Variants in IQCM observed in about 807,000 individuals in gnomAD.
The protein encoded by IQCM is IQ motif containing M.
A neutral mutation model predicts 57.6 loss-of-function variants in IQCM; 45 were observed. That is an observed-to-expected ratio of 0.78 (90% CI 0.62 to 1.00). IQCM has a LOEUF of 1.00. IQCM is among the 50% of genes least tolerant of loss of function. IQCM has a pLI of 0.00. For missense variants in IQCM, 468 were observed against 511.6 expected, an observed-to-expected ratio of 0.91 and a Z score of 0.82; for synonymous variants, 148 against 158.9, an observed-to-expected ratio of 0.93 and a Z score of 0.51.
At chr4:149,423,909 G>T (rs1025483041) in intron 13 of IQCM, among the ~76,000 whole-genome samples, 1 of 151,748 alleles carries the variant, frequency 6.6e-6, no homozygotes, top group African/African-American at 2.4e-5. Context: ...TTAAAGAACT[G>T]CCATACTACA....
At position 149,551,917 on chromosome 4, in the gene IQCM, C is replaced by A. The variant is rs530431545; in HGVS notation, c.1093+1226G>T. ...TCTTCTCGTTTTCTCATTCTTTCTTCTTCCTGTCTTCCCATCTCTCCAACA... is the reference window on the plus strand; with the variant it reads ...TCTTCTCGTTTTCTCATTCTTTCTTATTCCTGTCTTCCCATCTCTCCAACA... On this transcript the variant is annotated intron_variant, in intron 11 of 13. Transcript: ENST00000636793. Among the ~76,000 whole-genome samples, 35 of 152,188 alleles carry A rather than the reference C, an allele frequency of 2.3e-4. No individual in the cohort carries two copies. The South Asian group carries it at 6.9e-3, about 30-fold the overall frequency.
At chr4:149,445,050 A>T (rs958683041) in intron 12 of IQCM, among the ~76,000 whole-genome samples, 2 of 151,948 alleles carry the variant, frequency 1.3e-5, no homozygotes, top group Non-Finnish European at 2.9e-5. Context: ...TGACTGGATC[A>T]TAGTTACAAT....
At chr4:149,434,491 C>G (rs1263150655) in intron 12 of IQCM, among the ~76,000 whole-genome samples, 1 of 152,090 alleles carries the variant, frequency 6.6e-6, no homozygotes, top group Non-Finnish European at 1.5e-5. Context: ...AAGAGAGACA[C>G]TAATGTAAAT....
chr4:149,564,149 T>C (rs948922338), intron 9 of IQCM, among the ~76,000 whole-genome samples: 4 of 152,196 alleles, frequency 2.6e-5, no homozygotes, highest in Non-Finnish European at 4.4e-5. Flanking sequence ...TGTCAGTCTA[T>C]CTACAACTAC....
chr4:149,792,722 T>C lies in IQCM; in HGVS notation c.-49+22589A>G, dbSNP rs117098169. ...ATAAACAGAAGCCATAATTAACTCC[T>C]ATGCTTACTGTTTTCATTGTACTAT... On this transcript the variant is annotated intron_variant, in intron 2 of 13. Transcript: ENST00000636793. 2.4e-4 allele frequency among the ~76,000 whole-genome samples: 36 copies of C among 152,308 alleles called. No homozygotes were observed. In the East Asian group the frequency reaches 5.4e-3, roughly 23 times the overall value.
intron 12 of IQCM, among the ~76,000 whole-genome samples, chr4:149,516,071 A>C (rs1264676402): frequency 3.9e-5 from 6 of 152,210 alleles, no homozygotes. Context: ...TGGGCTCAGC[A>C]ACACAGACTT....
chr4:149,567,612 G>T (rs1750756207), intron 9 of IQCM, among the ~76,000 whole-genome samples: 1 of 152,016 alleles, frequency 6.6e-6, no homozygotes. Flanking sequence ...CTCTCAAAGT[G>T]CTGGGATTAT....
chr4:149,554,868 T>G (rs1171323836), intron 10 of IQCM, among the ~76,000 whole-genome samples: 2 of 149,190 alleles, frequency 1.3e-5, no homozygotes, highest in African/African-American at 4.9e-5. Context: ...CCCGGCTAAT[T>G]TTTTGTGTTT....
At chr4:149,603,101 T>G (rs1754465194) in intron 8 of IQCM, among the ~76,000 whole-genome samples, 1 of 152,154 alleles carries the variant, frequency 6.6e-6, no homozygotes. Context: ...AGGATATTGC[T>G]GTCATTTATT....
At chr4:149,544,353 C>G (rs1748167435) in intron 12 of IQCM, among the ~76,000 whole-genome samples, 1 of 152,048 alleles carries the variant, frequency 6.6e-6, no homozygotes, top group African/African-American at 2.4e-5. Context: ...ATAAATTTAA[C>G]CCAAGAGGTT....
chr4:149,649,634 C>G (rs1243453757), intron 7 of IQCM, among the ~76,000 whole-genome samples: 1 of 152,150 alleles, frequency 6.6e-6, no homozygotes, highest in African/African-American at 2.4e-5. Flanking sequence ...TTCAAATTGT[C>G]AAATTACAAA....
At chr4:149,581,939 G>A (rs76352727) in intron 9 of IQCM, among the ~76,000 whole-genome samples, 2,593 of 151,506 alleles carry the variant, frequency 0.017, 76 homozygotes, top group African/African-American at 0.06. Flanking sequence ...AGAAGGGGAG[G>A]GGCAAGGTGC....
intron 8 of IQCM, among the ~76,000 whole-genome samples, chr4:149,609,321 G>T (rs1445310061): frequency 3.3e-5 from 5 of 151,690 alleles, no homozygotes; most frequent in Non-Finnish European, 5.9e-5. Context: ...TTAAAGAACA[G>T]CTAATACTAA....
At chr4:149,371,806 G>A (rs967302866) in intron 13 of IQCM, among the ~76,000 whole-genome samples, 6 of 151,990 alleles carry the variant, frequency 3.9e-5, no homozygotes, top group African/African-American at 1.2e-4. Context: ...ATAAAACATT[G>A]CTTAATTCAT....
intron 13 of IQCM, among the ~76,000 whole-genome samples, chr4:149,418,241 A>G (rs1733888544): frequency 6.6e-6 from 1 of 152,028 alleles, no homozygotes; most frequent in African/African-American, 2.4e-5. Context: ...AATAGACACA[A>G]TAAAAAAAGA....
chr4:149,605,801 CTGAGTCACTG>C (rs147611676), intron 8 of IQCM, among the ~76,000 whole-genome samples: 32,077 of 151,894 alleles, frequency 0.21, 4,204 homozygotes, highest in Non-Finnish European at 0.28. Flanking sequence ...CCCCCAACTC[CTGAGTCACTG>C]AGTCAGTGAA....
At chr4:149,730,746 G>A (rs2149881664) in intron 5 of IQCM, among the ~76,000 whole-genome samples, 1 of 152,230 alleles carries the variant, frequency 6.6e-6, no homozygotes, top group South Asian at 2.1e-4. Flanking sequence ...CTTTAAAGCA[G>A]TAGAGTTACT....
intron 13 of IQCM, among the ~76,000 whole-genome samples, chr4:149,405,958 C>T (rs1490861536): frequency 6.7e-6 from 1 of 149,396 alleles, no homozygotes; most frequent in African/African-American, 2.4e-5. Context: ...CCTTAAACCC[C>T]TTCCTTCCTC....
At chr4:149,471,568 A>C (rs1037106999) in intron 12 of IQCM, among the ~76,000 whole-genome samples, 3 of 152,208 alleles carry the variant, frequency 2.0e-5, no homozygotes, top group Non-Finnish European at 2.9e-5. Context: ...ATTCCTTCTG[A>C]AAGTATTCCA....
Sources: allele counts gnomAD v4.1 joint callset (sites outside exome capture counted in the v4.1 genomes callset), GRCh38; gene constraint gnomAD v4.1.1; transcripts MANE v1.5; gene names NCBI Gene and HGNC (gene_info 2026-07-23, HGNC 2026-07-21).